Variants in ZC2HC1B observed in about 807,000 individuals in gnomAD.
ZC2HC1B encodes the protein zinc finger C2HC-type containing 1B, also known as zinc finger C2HC domain-containing protein 1B.
In ZC2HC1B, 36 loss-of-function variants were observed where a neutral mutation model predicts 31.0. That is an observed-to-expected ratio of 1.16 (90% CI 0.89 to 1.54). The LOEUF (loss-of-function observed/expected upper bound fraction) is 1.54, where lower values mean the gene tolerates loss of function less well. Ranked by LOEUF, ZC2HC1B falls within the 40% of genes most tolerant of loss-of-function variation. The pLI, the probability that ZC2HC1B is intolerant of heterozygous loss-of-function variation, is 0.00. For synonymous variants in ZC2HC1B, 73 were observed against 88.0 expected (o/e 0.83, Z 0.95); for missense variants, 260 against 268.6 (o/e 0.97, Z 0.22).
In ZC2HC1B at chr6:143,877,272, C is replaced by CTTTT. The variant is rs34994479; in HGVS notation, c.29-7008_29-7005dup. On this transcript the variant is annotated intron_variant, in intron 1 of 7. Coordinates refer to ENST00000237275, the MANE Select transcript of ZC2HC1B (RefSeq NM_001013623.3). ...TTTCTCCTAAAGATTTTTTTAATTT[C>CTTTT]TTTTTTTTTTTTTTTTTTTTTTTTT... is the stretch of plus-strand genomic sequence containing the variant. Among the ~76,000 whole-genome samples the CTTTT allele has an allele frequency of 8.9e-4, 38 of 42,596 alleles. 4 individuals carry two copies. Among genetic ancestry groups the CTTTT allele is most frequent in the African/African-American group, 3.7e-3 (31 of 8,322 alleles). 27.9% of individuals were successfully genotyped at this position (42,596 alleles called of 152,430 possible).
At chr6:143,890,325 G>A (rs1031461326) in intron 4 of ZC2HC1B, among the ~76,000 whole-genome samples, 2 of 148,644 alleles carry the variant, frequency 1.3e-5, no homozygotes, top group African/African-American at 2.5e-5. Flanking sequence ...ATTTTTAAAA[G>A]CATATGATCA....
At position 143,924,144 on chromosome 6, in the gene ZC2HC1B, C is replaced by T. The variant is rs901383952; in HGVS notation, c.599-13505C>T. 1.3e-5 allele frequency among the ~76,000 whole-genome samples: 2 copies of T among 151,870 alleles called. No individual in the cohort carries two copies. The highest frequency in any genetic ancestry group is 4.8e-5 in the African/African-American group (2 of 41,356). On this transcript the variant is annotated intron_variant, in intron 6 of 7. Coordinates refer to ENST00000237275, the MANE Select transcript of ZC2HC1B (RefSeq NM_001013623.3). The surrounding 1 kb of genome is among the most constrained non-coding windows in gnomAD (Gnocchi z 5.2). ...CTTTCATCAGTGTTTTGAAGTTTTC[C>T]TCGTAAGCGTCTTTCACTTTCTTGG...
In ZC2HC1B at chr6:143,884,811, G is replaced by A. The variant is rs1182420042; in HGVS notation, c.90+446G>A. On this transcript the variant is annotated intron_variant, in intron 2 of 7. Coordinates refer to ENST00000237275, the MANE Select transcript of ZC2HC1B (RefSeq NM_001013623.3). This position sits in a 1 kb window ranked among gnomAD's most constrained non-coding sequence, Gnocchi z 5.1. ...CTTTAACCTTCCTGTTTTCTGCTTTGCCACGTATACAGAACCTTCAAATTT... is the reference window on the plus strand; with the variant it reads ...CTTTAACCTTCCTGTTTTCTGCTTTACCACGTATACAGAACCTTCAAATTT... Among the ~76,000 whole-genome samples the A allele has an allele frequency of 2.0e-5, 3 of 152,074 alleles. No individual in the cohort carries two copies. Among genetic ancestry groups the A allele is most frequent in the Non-Finnish European group, 2.9e-5 (2 of 68,018 alleles).
In ZC2HC1B at chr6:143,883,498, G is replaced by C. The variant is rs1327140768; in HGVS notation, c.29-806G>C. Reference sequence around the variant, plus strand: ...TTTGCATGTAGAGTAAAGCCCAGATGACTGGTCTAATATAAAGTCTATGCT... The same window carrying C: ...TTTGCATGTAGAGTAAAGCCCAGATCACTGGTCTAATATAAAGTCTATGCT... On this transcript the variant is annotated intron_variant, in intron 1 of 7. Coordinates refer to ENST00000237275, the MANE Select transcript of ZC2HC1B (RefSeq NM_001013623.3). The surrounding 1 kb of genome is among the most constrained non-coding windows in gnomAD (Gnocchi z 4.1). Among the ~76,000 whole-genome samples, 1 of 152,170 alleles carries C rather than the reference G, an allele frequency of 6.6e-6. No individual in the cohort carries two copies. Among genetic ancestry groups the C allele is most frequent in the Non-Finnish European group, 1.5e-5 (1 of 68,034 alleles).
chr6:143,874,853 G>A (rs980584499), intron 1 of ZC2HC1B, among the ~76,000 whole-genome samples: 1 of 151,988 alleles, frequency 6.6e-6, no homozygotes, highest in Non-Finnish European at 1.5e-5. Flanking sequence ...TTGTTTTTGA[G>A]ATGAGGTCTC....
At position 143,868,060 on chromosome 6, in the gene ZC2HC1B, G is replaced by A. The variant is rs1029299669; in HGVS notation, c.28+3493G>A. Among the ~76,000 whole-genome samples the A allele has an allele frequency of 1.3e-5, 2 of 152,152 alleles. No homozygotes were observed. The highest frequency in any genetic ancestry group is 4.8e-5 in the African/African-American group (2 of 41,434). ...GGTTGTAGATTATTTTACCTCAGAAGTTTAAAGGGTTTCTTCCATTTGTTT... is the reference window on the plus strand; with the variant it reads ...GGTTGTAGATTATTTTACCTCAGAAATTTAAAGGGTTTCTTCCATTTGTTT... On this transcript the variant is annotated intron_variant, in intron 1 of 7. Transcript: ENST00000237275. The surrounding 1 kb of genome is among the most constrained non-coding windows in gnomAD (Gnocchi z 4.2).
chr6:143,873,395 A>G (rs1005681358), intron 1 of ZC2HC1B, among the ~76,000 whole-genome samples: 3 of 152,166 alleles, frequency 2.0e-5, no homozygotes, highest in Non-Finnish European at 4.4e-5. Context: ...ACACAGTTCA[A>G]GCTGTCAGTG....
chr6:143,870,829 A>G lies in ZC2HC1B; in HGVS notation c.28+6262A>G, dbSNP rs188438170. Among the ~76,000 whole-genome samples, 408 of 152,298 alleles carry G rather than the reference A, an allele frequency of 2.7e-3. 2 individuals are homozygous for G. The highest frequency in any genetic ancestry group is 4.4e-3 in the Non-Finnish European group (302 of 68,030). ...ATCGCCATCTGCCACTGACACCTCA[A>G]GTACCATTGGATCTGCTGGGTCATA... On this transcript the variant is annotated intron_variant, in intron 1 of 7. Transcript: ENST00000237275. The surrounding 1 kb of genome is among the most constrained non-coding windows in gnomAD (Gnocchi z 4.7).
At position 143,864,550 on chromosome 6, in the gene ZC2HC1B, C is replaced by T; in HGVS notation, c.11C>T (p.Ala4Val). The T allele has an allele frequency of 6.4e-7, 1 of 1,551,576 alleles. No individual in the cohort carries two copies. The highest frequency in any genetic ancestry group is 8.7e-7 in the Non-Finnish European group (1 of 1,146,938). MAG[A>V]EPFLADGNQE... ...TGAGTTAGGAACAGAATGGCTGGGG[C>T]AGAACCATTTTTGGCAGGTGAGCTG... is the stretch of plus-strand genomic sequence containing the variant. The change falls in exon 1 of 8, where the codon GCA (alanine) becomes GTA (valine). Residue 4 changes from alanine (A) to valine (V), a missense_variant. Physicochemically the swap from Ala to Val is moderately conservative, Grantham distance 64. Transcript: ENST00000237275.
intron 6 of ZC2HC1B, among the ~76,000 whole-genome samples, chr6:143,935,510 G>A (rs1169025868): frequency 6.6e-6 from 1 of 151,792 alleles, no homozygotes; most frequent in Non-Finnish European, 1.5e-5. Flanking sequence ...AGCTCATAAG[G>A]GTCTTTTTTT....
At chr6:143,888,461 T>C (rs575193245) in intron 4 of ZC2HC1B, among the ~76,000 whole-genome samples, 1 of 152,200 alleles carries the variant, frequency 6.6e-6, no homozygotes, top group South Asian at 2.1e-4. Context: ...GGGATTGAAC[T>C]GAATATATAG....
At chr6:143,902,427 C>A (rs1777747951) in intron 5 of ZC2HC1B, among the ~76,000 whole-genome samples, 1 of 152,134 alleles carries the variant, frequency 6.6e-6, no homozygotes, top group African/African-American at 2.4e-5. Flanking sequence ...CATTCTTGCC[C>A]AAGTGAGAAT....
chr6:143,914,788 G>A (rs1438696004), intron 6 of ZC2HC1B, among the ~76,000 whole-genome samples: 1 of 151,786 alleles, frequency 6.6e-6, no homozygotes, highest in Admixed American at 6.6e-5. Context: ...AGTTTATTTT[G>A]TCTAATATTA....
chr6:143,874,471 G>T (rs1777383112), intron 1 of ZC2HC1B, among the ~76,000 whole-genome samples: 1 of 152,116 alleles, frequency 6.6e-6, no homozygotes, highest in African/African-American at 2.4e-5. Flanking sequence ...GTATTAGTCT[G>T]TTTTCACACT....
rs537146258 is a variant in ZC2HC1B, at chr6:143,923,251, G to GT, written c.599-14391dup. On this transcript the variant is annotated intron_variant, in intron 6 of 7. Coordinates refer to ENST00000237275, the MANE Select transcript of ZC2HC1B (RefSeq NM_001013623.3). The surrounding 1 kb of genome is among the most constrained non-coding windows in gnomAD (Gnocchi z 4.8). ...TGCCCACTTTTTCATGGGATTATTA[G>GT]TTTTTTTGCTGTTAAGTTGTTTGAA... Among the ~76,000 whole-genome samples, 13 of 151,720 alleles carry GT rather than the reference G, an allele frequency of 8.6e-5. No homozygotes were observed. The East Asian group carries it at 1.4e-3, about 16-fold the overall frequency.
At position 143,911,173 on chromosome 6, in the gene ZC2HC1B, T is replaced by G. The variant is rs898304896; in HGVS notation, c.598+8021T>G. Among the ~76,000 whole-genome samples the G allele has an allele frequency of 1.3e-5, 2 of 152,226 alleles. No homozygotes were observed. The highest frequency in any genetic ancestry group is 4.8e-5 in the African/African-American group (2 of 41,466). On this transcript the variant is annotated intron_variant, in intron 6 of 7. Coordinates refer to ENST00000237275, the MANE Select transcript of ZC2HC1B (RefSeq NM_001013623.3). The surrounding 1 kb of genome is among the most constrained non-coding windows in gnomAD (Gnocchi z 4.5). ...CTTTATTTTGAGCCTATGTATGTCT[T>G]TGCAAGTAAGATGGGTCTCTTGAAG...
chr6:143,903,140 C>T lies in ZC2HC1B; in HGVS notation c.586C>T (p.Pro196Ser), dbSNP rs1403207390. Residue 196 changes from proline (P) to serine (S), a missense_variant, in exon 6 of 8, where the codon CCA becomes TCA. Transcript: ENST00000237275. This position sits in a 1 kb window ranked among gnomAD's most constrained non-coding sequence, Gnocchi z 4.3. ...NRVLVATNEV[P>S]TKSGLAMDPA... ...GGTCCTGGTGGCCACGAATGAAGTC[C>T]CAACCAAGTCAGGTGAGTCAAAGCA... The T allele has an allele frequency of 1.3e-6, 2 of 1,551,964 alleles. No individual in the cohort carries two copies. Among genetic ancestry groups the T allele is most frequent in the Non-Finnish European group, 1.7e-6 (2 of 1,147,084 alleles).
At chr6:143,937,136 G>A (rs2128498304) in intron 6 of ZC2HC1B, among the ~76,000 whole-genome samples, 1 of 152,186 alleles carries the variant, frequency 6.6e-6, no homozygotes, top group Admixed American at 6.5e-5. Context: ...CCATAAACTT[G>A]TGTATCTCCA....
intron 4 of ZC2HC1B, among the ~76,000 whole-genome samples, chr6:143,889,549 A>G (rs1009505913): frequency 1.3e-5 from 2 of 152,132 alleles, no homozygotes. Context: ...AATATAGCAC[A>G]AAGTTAACTG....
Sources: gnomAD v4.1 joint callset for allele counts (sites outside exome capture counted in the v4.1 genomes callset) on GRCh38, gnomAD v4.1.1 for gene constraint, Gnocchi (gnomAD v3.1) non-coding constraint, MANE v1.5 for transcripts, NCBI Gene and HGNC (gene_info 2026-07-23, HGNC 2026-07-21) for gene names.